The following HFM1 variants were observed in gnomAD, a reference collection of about 807,000 sequenced individuals.
HFM1 encodes helicase for meiosis 1.
HFM1 carries 169 observed loss-of-function variants against 192.1 expected under a neutral mutation model. The ratio of observed to expected loss-of-function variants is 0.88; its 90% CI spans 0.78 to 1.00. The LOEUF (loss-of-function observed/expected upper bound fraction) is 1.00, where lower values mean the gene tolerates loss of function less well. HFM1 is among the 50% of genes least tolerant of loss of function. HFM1 has a pLI of 0.00. For synonymous variants in HFM1, 525 were observed against 537.8 expected, an observed-to-expected ratio of 0.98 and a Z score of 0.33; for missense variants, 1,661 against 1,668.0, an observed-to-expected ratio of 1.00 and a Z score of 0.07.
At chr1:91,329,013 G>A (rs1423221223) in intron 20 of HFM1, 10 of 1,612,082 alleles carry the variant, frequency 6.2e-6, no homozygotes, top group African/African-American at 1.3e-5. Context: ...CACCTGAGCT[G>A]GATTCTGCAG....
intron 13 of HFM1, among the ~76,000 whole-genome samples, chr1:91,355,780 A>C (rs1294863731): frequency 6.6e-6 from 1 of 152,180 alleles, no homozygotes; most frequent in Non-Finnish European, 1.5e-5. Context: ...GGGGTCTTCA[A>C]TATCCCACTT....
At chr1:91,304,683 T>C (rs1274234484) in intron 30 of HFM1, among the ~76,000 whole-genome samples, 1 of 151,286 alleles carries the variant, frequency 6.6e-6, no homozygotes, top group Admixed American at 6.6e-5. Flanking sequence ...TTCACTATGT[T>C]GGCCAAGCTG....
At chr1:91,270,826 A>C (rs1208835617) in intron 34 of HFM1, among the ~76,000 whole-genome samples, 2 of 152,160 alleles carry the variant, frequency 1.3e-5, no homozygotes, top group African/African-American at 4.8e-5. Context: ...CAAAGGACTG[A>C]TACACAGAAA....
At chr1:91,321,913 T>G (rs1300533856) in intron 23 of HFM1, among the ~76,000 whole-genome samples, 3 of 152,162 alleles carry the variant, frequency 2.0e-5, no homozygotes, top group Non-Finnish European at 4.4e-5. Context: ...TTAATTTGAC[T>G]CAATAATTTA....
chr1:91,286,106 T>C (rs959961718), intron 30 of HFM1, among the ~76,000 whole-genome samples: 2 of 152,186 alleles, frequency 1.3e-5, no homozygotes, highest in Non-Finnish European at 2.9e-5. Flanking sequence ...AAGGAAATTA[T>C]ATATATAGAG....
intron 13 of HFM1, among the ~76,000 whole-genome samples, chr1:91,371,895 A>C (rs994895727): frequency 6.6e-6 from 1 of 152,238 alleles, no homozygotes; most frequent in Non-Finnish European, 1.5e-5. Flanking sequence ...TTACAAGAAA[A>C]AAACAAACAA....
intron 30 of HFM1, among the ~76,000 whole-genome samples, chr1:91,288,100 T>G (rs1668234568): frequency 6.6e-6 from 1 of 150,962 alleles, no homozygotes; most frequent in Non-Finnish European, 1.5e-5. Context: ...CAGGATATTA[T>G]CCAGGAGAAG....
intron 30 of HFM1, among the ~76,000 whole-genome samples, chr1:91,278,489 A>T (rs1342914792): frequency 6.6e-6 from 1 of 152,162 alleles, no homozygotes; most frequent in Non-Finnish European, 1.5e-5. Flanking sequence ...CGATTGTAAG[A>T]GCTGAAATCA....
chr1:91,315,728 T>A, intron 28 of HFM1, 87 bp downstream of exon 28: 1 of 928,048 alleles, frequency 1.1e-6, no homozygotes, highest in Non-Finnish European at 1.6e-6. Context: ...GATCCCACAA[T>A]GATCTTGTTA....
intron 13 of HFM1, among the ~76,000 whole-genome samples, chr1:91,372,878 A>C (rs282041): frequency 6.6e-6 from 1 of 152,074 alleles, no homozygotes; most frequent in South Asian, 2.1e-4. Context: ...CTACTTTTTG[A>C]CTGTGAGCTC....
intron 18 of HFM1, among the ~76,000 whole-genome samples, chr1:91,347,908 T>C (rs1021568463): frequency 1.3e-5 from 2 of 152,110 alleles, no homozygotes; most frequent in Non-Finnish European, 2.9e-5. Context: ...CATATAACAA[T>C]GTTCACAGCA....
At chr1:91,275,490 G>T (rs1557762489) in intron 32 of HFM1, among the ~76,000 whole-genome samples, 1 of 152,142 alleles carries the variant, frequency 6.6e-6, no homozygotes, top group East Asian at 1.9e-4. Flanking sequence ...ACATCTTGCA[G>T]GCCCTCTAAA....
At chr1:91,334,458 T>C (rs1368607748) in intron 20 of HFM1, among the ~76,000 whole-genome samples, 1 of 151,974 alleles carries the variant, frequency 6.6e-6, no homozygotes, top group Non-Finnish European at 1.5e-5. Context: ...TTAAAAGAGG[T>C]TATATTTTGG....
chr1:91,346,290 A>C lies in HFM1; in HGVS notation c.2254+1139T>G, dbSNP rs184417011. Among the ~76,000 whole-genome samples the C allele has an allele frequency of 4.4e-3, 664 of 152,326 alleles. 5 individuals carry two copies. The highest frequency in any genetic ancestry group is 9.1e-3 in the Admixed American group (139 of 15,296). On this transcript the variant is annotated intron_variant, in intron 19 of 38. Transcript: ENST00000370425. ...AACATTAAAGTTATCTGAATATAGC[A>C]ATATATCTCTTTGTCTAATTTCTTG...
intron 25 of HFM1, among the ~76,000 whole-genome samples, chr1:91,316,850 T>A (rs559464221): frequency 1.1e-4 from 16 of 152,226 alleles, no homozygotes; most frequent in Admixed American, 1.0e-3. Flanking sequence ...AGCGAGGGAA[T>A]ACTGCTTTAT....
intron 30 of HFM1, among the ~76,000 whole-genome samples, chr1:91,302,223 C>T (rs1648896162): frequency 6.6e-6 from 1 of 151,318 alleles, no homozygotes; most frequent in Non-Finnish European, 1.5e-5. Flanking sequence ...CAAATCAAAA[C>T]CACAATGAGA....
intron 13 of HFM1, among the ~76,000 whole-genome samples, chr1:91,362,406 G>C (rs1201658734): frequency 6.6e-6 from 1 of 151,958 alleles, no homozygotes; most frequent in Non-Finnish European, 1.5e-5. Flanking sequence ...ACAACAGGCA[G>C]TCAGAGAGCC....
intron 4 of HFM1, among the ~76,000 whole-genome samples, chr1:91,388,584 C>A (rs949473973): frequency 6.6e-6 from 1 of 152,130 alleles, no homozygotes; most frequent in African/African-American, 2.4e-5. Flanking sequence ...CTACTTCACA[C>A]AAATATTTAA....
intron 13 of HFM1, among the ~76,000 whole-genome samples, chr1:91,355,123 T>A (rs980038875): frequency 6.6e-6 from 1 of 152,156 alleles, no homozygotes; most frequent in East Asian, 1.9e-4. Flanking sequence ...AGTAGTTGTA[T>A]GTGACTGAAG....
Sources: allele counts gnomAD v4.1 joint callset (sites outside exome capture counted in the v4.1 genomes callset), GRCh38; gene constraint gnomAD v4.1.1; transcripts MANE v1.5; gene names NCBI Gene and HGNC (gene_info 2026-07-23, HGNC 2026-07-21).